Variants in PID1 observed in about 807,000 individuals in gnomAD.
The protein encoded by PID1 is PTB-containing, cubilin and LRP1-interacting protein.
Under a neutral mutation model 19.1 loss-of-function variants are expected in PID1, and 10 were observed. The observed-to-expected ratio is 0.52, with a 90% CI of 0.32 to 0.89. PID1 has a LOEUF of 0.89. Ranked by LOEUF, PID1 falls within the 40% of genes least tolerant of loss-of-function variation. PID1 has a pLI of 0.03. For synonymous variants in PID1, 130 were observed against 116.0 expected (o/e 1.12, Z -0.78); for missense variants, 248 against 285.3 (o/e 0.87, Z 0.94).
At chr2:229,179,973 G>T (rs1312849715) in intron 1 of PID1, among the ~76,000 whole-genome samples, 4 of 152,108 alleles carry the variant, frequency 2.6e-5, no homozygotes, top group African/African-American at 9.7e-5. Context: ...CCCCCACCCA[G>T]CACAAGACCA....
At chr2:229,054,774 T>C (rs7599580) in intron 2 of PID1, among the ~76,000 whole-genome samples, 30,089 of 143,882 alleles carry the variant, frequency 0.21, 6,004 homozygotes, top group African/African-American at 0.52. Context: ...TCAATATTCC[T>C]GACCTATCAG....
intron 2 of PID1, among the ~76,000 whole-genome samples, chr2:229,052,714 GAA>G (rs11287337): frequency 1.4e-5 from 2 of 147,834 alleles, no homozygotes; most frequent in African/African-American, 2.5e-5. Flanking sequence ...AAGCAGAAAG[GAA>G]AAAAAAAATG....
intron 2 of PID1, among the ~76,000 whole-genome samples, chr2:229,131,548 C>T (rs947754389): frequency 3.9e-5 from 6 of 152,098 alleles, no homozygotes; most frequent in Admixed American, 2.6e-4. Flanking sequence ...TCTATGAGAA[C>T]AAAGTCATGT....
chr2:229,082,924 A>C (rs747074370), intron 2 of PID1, among the ~76,000 whole-genome samples: 2 of 151,902 alleles, frequency 1.3e-5, no homozygotes, highest in Non-Finnish European at 2.9e-5. Flanking sequence ...AATTTGTTAT[A>C]GTGGCAATAG....
At chr2:229,122,128 C>G (rs1695535556) in intron 2 of PID1, among the ~76,000 whole-genome samples, 1 of 152,090 alleles carries the variant, frequency 6.6e-6, no homozygotes. Context: ...TTATAGTTTA[C>G]AGAAAATCCT....
chr2:229,141,695 G>C (rs1690015127), intron 2 of PID1, among the ~76,000 whole-genome samples: 1 of 152,036 alleles, frequency 6.6e-6, no homozygotes, highest in African/African-American at 2.4e-5. Flanking sequence ...AACTTTCCTG[G>C]CTCCCAGGAT....
chr2:229,141,592 A>G (rs1690012483), intron 2 of PID1, among the ~76,000 whole-genome samples: 1 of 152,126 alleles, frequency 6.6e-6, no homozygotes, highest in Admixed American at 6.6e-5. Context: ...AGCACTGCTC[A>G]TAAGTGTCAC....
In PID1 at chr2:229,108,904, G is replaced by T. The variant is rs138497009; in HGVS notation, c.177+46914C>A. 2.4e-4 allele frequency among the ~76,000 whole-genome samples: 37 copies of T among 152,320 alleles called. No homozygotes were observed. In the East Asian group the frequency reaches 7.2e-3, roughly 29 times the overall value. On this transcript the variant is annotated intron_variant, in intron 2 of 2. Transcript: ENST00000392055. The stretch of plus-strand genomic sequence containing the variant: ...CAATAATAGAGTAATGAGGCTGTGA[G>T]TACCTGAGTACTCTCTGTATGATAT...
At chr2:229,094,185 C>T (rs577090940) in intron 2 of PID1, among the ~76,000 whole-genome samples, 57 of 152,136 alleles carry the variant, frequency 3.7e-4, no homozygotes, top group African/African-American at 1.3e-3. Flanking sequence ...ACTCAATCCG[C>T]TTTAAAATAG....
intron 1 of PID1, among the ~76,000 whole-genome samples, chr2:229,249,756 G>A (rs906796279): frequency 1.3e-5 from 2 of 152,178 alleles, no homozygotes; most frequent in African/African-American, 4.8e-5. Context: ...TGCTATGACA[G>A]GAGTATGATC....
At chr2:229,212,788 A>C (rs1011966984) in intron 1 of PID1, among the ~76,000 whole-genome samples, 1 of 152,090 alleles carries the variant, frequency 6.6e-6, no homozygotes, top group African/African-American at 2.4e-5. Flanking sequence ...TTCGTTACTG[A>C]ACTCAAAGCA....
intron 2 of PID1, among the ~76,000 whole-genome samples, chr2:229,076,222 C>T (rs1694554674): frequency 6.6e-6 from 1 of 152,168 alleles, no homozygotes; most frequent in Admixed American, 6.5e-5. Flanking sequence ...TCTCTTTCCT[C>T]AACACCCAAT....
intron 1 of PID1, among the ~76,000 whole-genome samples, chr2:229,227,592 C>T (rs568963640): frequency 1.3e-5 from 2 of 152,238 alleles, no homozygotes; most frequent in South Asian, 4.1e-4. Context: ...TCTGGCAAGC[C>T]CACCATCAAA....
At chr2:229,217,423 C>A (rs1178869781) in intron 1 of PID1, among the ~76,000 whole-genome samples, 1 of 152,214 alleles carries the variant, frequency 6.6e-6, no homozygotes, top group Non-Finnish European at 1.5e-5. Context: ...TTCAAAGCCT[C>A]TCCTTTTCCC....
chr2:229,068,480 C>A (rs1168191910), intron 2 of PID1, among the ~76,000 whole-genome samples: 4 of 152,158 alleles, frequency 2.6e-5, no homozygotes, highest in Admixed American at 2.6e-4. Context: ...AACAAGCACA[C>A]TTTACAAAAA....
chr2:229,078,009 A>G (rs1335894421), intron 2 of PID1, among the ~76,000 whole-genome samples: 1 of 152,186 alleles, frequency 6.6e-6, no homozygotes, highest in African/African-American at 2.4e-5. Context: ...GATTCTTCCT[A>G]TCCACAAGCA....
At chr2:229,135,234 G>A (rs1019746501) in intron 2 of PID1, among the ~76,000 whole-genome samples, 7 of 152,154 alleles carry the variant, frequency 4.6e-5, no homozygotes, top group East Asian at 1.9e-4. Flanking sequence ...TTGTTCCCCC[G>A]CAGAGATGAC....
intron 2 of PID1, among the ~76,000 whole-genome samples, chr2:229,047,434 T>C (rs1251582013): frequency 6.6e-6 from 1 of 152,080 alleles, no homozygotes; most frequent in Non-Finnish European, 1.5e-5. Context: ...GAAGCCAATA[T>C]CACACTAAGT....
intron 2 of PID1, among the ~76,000 whole-genome samples, chr2:229,103,111 T>C (rs562252992): frequency 6.6e-6 from 1 of 152,282 alleles, no homozygotes; most frequent in Admixed American, 6.5e-5. Context: ...ATGATAATCA[T>C]AAGATGGCCA....
Sources: allele counts gnomAD v4.1 joint callset (sites outside exome capture counted in the v4.1 genomes callset), GRCh38; gene constraint gnomAD v4.1.1; transcripts MANE v1.5; gene names NCBI Gene and HGNC (gene_info 2026-07-23, HGNC 2026-07-21).